EFR3B: variants seen among roughly 807,000 people sequenced by gnomAD.
EFR3B encodes EFR3 homolog B.
EFR3B carries 64 observed loss-of-function variants against 104.7 expected under a neutral mutation model. That is an observed-to-expected ratio of 0.61 (90% CI 0.50 to 0.75). EFR3B has a LOEUF of 0.75. EFR3B is among the 30% of genes least tolerant of loss of function. EFR3B has a pLI of 0.00. For synonymous variants in EFR3B, 385 were observed against 417.9 expected (o/e 0.92, Z 0.96); for missense variants, 750 against 1,078.5 (o/e 0.70, Z 4.27).
intron 12 of EFR3B, among the ~76,000 whole-genome samples, chr2:25,134,177 A>AT (rs58106803): frequency 6.9e-4 from 96 of 138,576 alleles, no homozygotes; most frequent in Middle Eastern, 3.9e-3. Flanking sequence ...CTCAGTTTAT[A>AT]TTTTTTTTTT....
chr2:25,067,262 T>TG (rs1487324112), intron 1 of EFR3B, among the ~76,000 whole-genome samples: 3 of 152,182 alleles, frequency 2.0e-5, no homozygotes, highest in African/African-American at 4.8e-5. Context: ...CTCTACTCGG[T>TG]GACCAGCGTT....
chr2:25,057,854 C>G (rs1440034931), intron 1 of EFR3B, among the ~76,000 whole-genome samples: 7 of 151,344 alleles, frequency 4.6e-5, no homozygotes, highest in African/African-American at 1.7e-4. Flanking sequence ...TCAAATGATG[C>G]TTTTCAACAG....
intron 2 of EFR3B, 26 bp downstream of exon 2, chr2:25,091,427 G>C: frequency 6.5e-7 from 1 of 1,541,260 alleles, no homozygotes; most frequent in Non-Finnish European, 8.8e-7. Flanking sequence ...GGCAGGCATC[G>C]TGGCTCTCAT....
chr2:25,124,529 G>C (rs1006432405), intron 5 of EFR3B, among the ~76,000 whole-genome samples: 2 of 151,562 alleles, frequency 1.3e-5, no homozygotes, highest in Non-Finnish European at 2.9e-5. Context: ...GATTGAGATG[G>C]AGACCATCCT....
intron 1 of EFR3B, among the ~76,000 whole-genome samples, chr2:25,087,097 C>T (rs1271937935): frequency 2.6e-5 from 4 of 151,994 alleles, no homozygotes; most frequent in South Asian, 2.1e-4. Context: ...CTTCATATGG[C>T]GGCGGCGAGG....
intron 1 of EFR3B, among the ~76,000 whole-genome samples, chr2:25,072,602 G>A (rs1387669300): frequency 6.6e-6 from 1 of 152,100 alleles, no homozygotes; most frequent in African/African-American, 2.4e-5. Context: ...CTTATGCCTT[G>A]ACTTCTGCTT....
intron 12 of EFR3B, among the ~76,000 whole-genome samples, chr2:25,134,553 C>T (rs1237169306): frequency 6.6e-6 from 1 of 152,138 alleles, no homozygotes; most frequent in African/African-American, 2.4e-5. Context: ...CCTCCCTAGA[C>T]CTCCTGTCTC....
chr2:25,084,169 GC>G (rs1290002057), intron 1 of EFR3B, among the ~76,000 whole-genome samples: 1 of 152,018 alleles, frequency 6.6e-6, no homozygotes, highest in Non-Finnish European at 1.5e-5. Context: ...TAGTACCTAT[GC>G]CATGGGTTTG....
intron 4 of EFR3B, among the ~76,000 whole-genome samples, chr2:25,108,919 T>C (rs1244586590): frequency 1.3e-5 from 2 of 152,090 alleles, no homozygotes; most frequent in African/African-American, 2.4e-5. Flanking sequence ...GGTGGGAGAA[T>C]TGCTTGAACC....
At chr2:25,074,676 G>A (rs139973766) in intron 1 of EFR3B, among the ~76,000 whole-genome samples, 1,595 of 150,568 alleles carry the variant, frequency 0.011, 30 homozygotes, top group African/African-American at 0.036. Context: ...GGAGTACCGT[G>A]GCGTGATCTC....
At chr2:25,069,562 C>T (rs1668434167) in intron 1 of EFR3B, among the ~76,000 whole-genome samples, 1 of 152,202 alleles carries the variant, frequency 6.6e-6, no homozygotes, top group Admixed American at 6.5e-5. Flanking sequence ...CATGACTGCT[C>T]CTGCAGGGCA....
At chr2:25,064,297 G>A (rs2149171020) in intron 1 of EFR3B, among the ~76,000 whole-genome samples, 1 of 152,280 alleles carries the variant, frequency 6.6e-6, no homozygotes, top group East Asian at 1.9e-4. Flanking sequence ...TTCAGAATCT[G>A]CATCTTAAAT....
intron 1 of EFR3B, among the ~76,000 whole-genome samples, chr2:25,067,389 A>G (rs1482177638): frequency 2.0e-5 from 3 of 150,148 alleles, no homozygotes; most frequent in Non-Finnish European, 3.0e-5. Flanking sequence ...AAATGGAATC[A>G]TATCATAGGT....
At chr2:25,059,114 AT>A (rs70947864) in intron 1 of EFR3B, among the ~76,000 whole-genome samples, 2,172 of 141,826 alleles carry the variant, frequency 0.015, 28 homozygotes, top group African/African-American at 0.039. Context: ...TTCAGTGTTG[AT>A]TTTTTTTTTT....
At chr2:25,147,993 C>G (rs1374815012) in intron 19 of EFR3B, 1 of 131,692 alleles carries the variant, frequency 7.6e-6, no homozygotes, top group Non-Finnish European at 1.5e-5. Flanking sequence ...CCATAGTACT[C>G]TAGCCTGGGT....
rs1379236416 is a variant in EFR3B, at chr2:25,136,234, C to CT, written c.1485-287dup. ...TTGGGAGGCTGAGTTGGGAGGATTG[C>CT]TTGAGCCCTGGAGGTTAAGGCTGCA... On this transcript the variant is annotated intron_variant, in intron 13 of 22. Transcript: ENST00000403714. This position sits in a 1 kb window ranked among gnomAD's most constrained non-coding sequence, Gnocchi z 4.0. Among the ~76,000 whole-genome samples, 1 of 151,734 alleles carries CT rather than the reference C, an allele frequency of 6.6e-6. No homozygotes were observed. Among genetic ancestry groups the CT allele is most frequent in the Non-Finnish European group, 1.5e-5 (1 of 67,896 alleles).
chr2:25,102,406 G>A (rs1352284571), intron 3 of EFR3B, among the ~76,000 whole-genome samples: 1 of 152,180 alleles, frequency 6.6e-6, no homozygotes, highest in African/African-American at 2.4e-5. Flanking sequence ...AAAGAAAAGA[G>A]GTTTAATTGA....
At position 25,042,216 on chromosome 2, in the gene EFR3B, C is replaced by G; in HGVS notation, c.-97C>G. The stretch of plus-strand genomic sequence containing the variant: ...CGGGCCCCTGTCGGCCGCCGCCAGT[C>G]CCCGCCCCGACTGTGAATGAAAGGC... On this transcript the variant is annotated 5_prime_UTR_variant, in exon 1 of 23. Coordinates refer to ENST00000403714, the MANE Select transcript of EFR3B (RefSeq NM_014971.2). The surrounding 1 kb of genome is among the most constrained non-coding windows in gnomAD (Gnocchi z 5.4). The G allele has an allele frequency of 1.6e-6, 2 of 1,224,904 alleles. No individual in the cohort carries two copies. The highest frequency in any genetic ancestry group is 2.1e-6 in the Non-Finnish European group (2 of 972,002). The allele number at this position is 1,224,904 out of a possible 1,614,324, so 75.9% of individuals were successfully genotyped here.
chr2:25,121,564 G>C, intron 4 of EFR3B, 109 bp from the exon 5 acceptor site: 1 of 1,395,822 alleles, frequency 7.2e-7, no homozygotes, highest in Non-Finnish European at 9.8e-7. Context: ...CTGGCTCCAG[G>C]ATGCGTGGTT....
Sources: gnomAD v4.1 joint callset for allele counts (sites outside exome capture counted in the v4.1 genomes callset) on GRCh38, gnomAD v4.1.1 for gene constraint, Gnocchi (gnomAD v3.1) non-coding constraint, MANE v1.5 for transcripts, NCBI Gene and HGNC (gene_info 2026-07-23, HGNC 2026-07-21) for gene names.